The following EPRS1 variants were observed in gnomAD, a reference collection of about 807,000 sequenced individuals.
EPRS1 encodes the protein glutamyl-prolyl-tRNA synthetase 1.
A neutral mutation model predicts 188.3 loss-of-function variants in EPRS1; 107 were observed. The observed-to-expected ratio is 0.57, with a 90% CI of 0.49 to 0.67. The LOEUF (loss-of-function observed/expected upper bound fraction) is 0.67, where lower values mean the gene tolerates loss of function less well. Among genes scored for constraint, EPRS1 ranks in the 30% least tolerant of loss-of-function variants. The pLI, the probability that EPRS1 is intolerant of heterozygous loss-of-function variation, is 0.00. For missense variants in EPRS1, 1,577 were observed against 1,802.2 expected (o/e 0.88, Z 2.26); for synonymous variants, 596 against 593.1 (o/e 1.00, Z -0.07).
intron 17 of EPRS1, among the ~76,000 whole-genome samples, chr1:219,998,518 A>G (rs182701402): frequency 1.3e-5 from 2 of 150,880 alleles, no homozygotes; most frequent in Admixed American, 6.7e-5. Context: ...TAGCCACCCT[A>G]TATCAAAAAT....
chr1:220,021,283 G>C (rs531020082), intron 9 of EPRS1, among the ~76,000 whole-genome samples: 1 of 152,022 alleles, frequency 6.6e-6, no homozygotes, highest in African/African-American at 2.4e-5. Context: ...TGAACTCCTG[G>C]ACTGAAGCAA....
At chr1:220,033,094 C>T (rs116141600) in intron 4 of EPRS1, among the ~76,000 whole-genome samples, 3 of 152,262 alleles carry the variant, frequency 2.0e-5, no homozygotes, top group African/African-American at 7.2e-5. Flanking sequence ...AACTCCACAT[C>T]ATCCCACTAC....
intron 9 of EPRS1, among the ~76,000 whole-genome samples, chr1:220,020,870 A>G (rs186039708): frequency 0.017 from 1,300 of 76,570 alleles, 22 homozygotes; most frequent in Non-Finnish European, 0.025. Context: ...ATATATATAT[A>G]TTAGTGCATT....
chr1:220,015,520 G>T lies in EPRS1; in HGVS notation c.1494+2929C>A, dbSNP rs965473185. 2.1e-4 allele frequency among the ~76,000 whole-genome samples: 13 copies of T among 62,018 alleles called. No individual in the cohort carries two copies. In the South Asian group the frequency reaches 3.8e-3, roughly 18 times the overall value. The allele number at this position is 62,018 out of a possible 152,430, so 40.7% of individuals were successfully genotyped here. Reference sequence around the variant, plus strand: ...ACAAGACAAGAGAAAGAAAATAAAAGATGGAAAGGGAAAGGGAAAGGGAAA... The same window carrying T: ...ACAAGACAAGAGAAAGAAAATAAAATATGGAAAGGGAAAGGGAAAGGGAAA... On this transcript the variant is annotated intron_variant, in intron 12 of 31. Transcript: ENST00000366923.
chr1:220,008,402 T>TA (rs572428410), intron 13 of EPRS1, among the ~76,000 whole-genome samples: 9 of 145,842 alleles, frequency 6.2e-5, no homozygotes, highest in Non-Finnish European at 7.6e-5. Context: ...TTGGCAGAAT[T>TA]AAAAAAAAAA....
chr1:220,024,398 G>A lies in EPRS1; in HGVS notation c.809C>T (p.Ser270Leu), dbSNP rs200738924. ...HIKPDQFTYT[S>L]DHFETIMKYA... ...CTTCATTATAGTTTCAAAATGATCC[G>A]AAGTATAAGTAAATTGATCTGGTTT... Residue 270 changes from serine (S) to leucine (L), a missense_variant, in exon 8 of 32, where the codon TCG becomes TTG. Ser to Leu is a moderately radical substitution (Grantham distance 145). Coordinates refer to ENST00000366923, the MANE Select transcript of EPRS1 (RefSeq NM_004446.3). The A allele has an allele frequency of 5.0e-6, 8 of 1,611,876 alleles. No homozygotes were observed. The highest frequency in any genetic ancestry group is 1.7e-5 in the Admixed American group (1 of 59,548).
At chr1:220,045,173 CTGTG>C (rs1037119556) in intron 1 of EPRS1, among the ~76,000 whole-genome samples, 74 of 152,154 alleles carry the variant, frequency 4.9e-4, no homozygotes, top group African/African-American at 1.6e-3. Flanking sequence ...TTAGAAAGTA[CTGTG>C]TGTGTATTAT....
At chr1:219,982,117 C>T (rs1648325321) in intron 23 of EPRS1, among the ~76,000 whole-genome samples, 2 of 152,110 alleles carry the variant, frequency 1.3e-5, no homozygotes, top group Admixed American at 1.3e-4. Context: ...ATGTATTATA[C>T]AAAAGTATCA....
At chr1:220,010,919 A>G (rs1661592722) in intron 13 of EPRS1, 27 bp downstream of exon 13, 2 of 1,314,674 alleles carry the variant, frequency 1.5e-6, no homozygotes, top group Non-Finnish European at 2.2e-6. Flanking sequence ...ACAGAGAGAA[A>G]CACATTGGTG....
chr1:220,028,167 T>C (rs2577150), intron 6 of EPRS1, among the ~76,000 whole-genome samples: 121,965 of 152,072 alleles, frequency 0.8, 49,079 homozygotes, highest in East Asian at 0.93. Context: ...AAGAAAAATA[T>C]TGTGGTGTAC....
intron 13 of EPRS1, among the ~76,000 whole-genome samples, chr1:220,010,534 T>G (rs2789807): frequency 0.8 from 121,997 of 152,138 alleles, 49,082 homozygotes; most frequent in East Asian, 0.93. Context: ...CATCTCAGCC[T>G]GGCGCAGTGG....
At position 220,019,039 on chromosome 1, in the gene EPRS1, T is replaced by C. The variant is rs1284907414; in HGVS notation, c.1390A>G (p.Arg464Gly). ...TTCAGTCCTTCAACTGTCATCCCTC[T>C]TCTCAGTACACCACGAACCGTAGGA... is the stretch of plus-strand genomic sequence containing the variant. The part of the protein sequence containing the change: ...RFPTVRGVLR[R>G]GMTVEGLKQF... The change falls in exon 11 of 32, where the codon AGA (arginine) becomes GGA (glycine). Residue 464 changes from arginine to glycine, a missense_variant. Coordinates refer to ENST00000366923, the MANE Select transcript of EPRS1 (RefSeq NM_004446.3). 3 of 1,613,352 alleles carry C rather than the reference T, an allele frequency of 1.9e-6. No homozygotes were observed. The African/African-American group carries it at 4.0e-5, about 22-fold the overall frequency.
intron 3 of EPRS1, among the ~76,000 whole-genome samples, chr1:220,033,879 CT>C (rs56389209): frequency 8.1e-4 from 117 of 144,606 alleles, no homozygotes; most frequent in South Asian, 8.7e-4. Context: ...ATGCTTTCTG[CT>C]TTTTTTTTTT....
At position 220,007,339 on chromosome 1, in the gene EPRS1, C is replaced by T; in HGVS notation, c.1606-1G>A. 1 of 1,603,546 alleles carries T rather than the reference C, an allele frequency of 6.2e-7. No homozygotes were observed. The highest frequency in any genetic ancestry group is 8.5e-7 in the Non-Finnish European group (1 of 1,177,334). On this transcript the variant is annotated splice_acceptor_variant, in intron 13 of 31. Coordinates refer to ENST00000366923, the MANE Select transcript of EPRS1 (RefSeq NM_004446.3). LOFTEE classifies it high-confidence loss of function. ...CAGGCTTCAAGCCAACCTCAGGATT[C>T]TGATTGATAAAGAAAAGCAGAGTGT...
At chr1:220,025,766 C>T (rs535330180) in intron 6 of EPRS1, among the ~76,000 whole-genome samples, 1 of 151,676 alleles carries the variant, frequency 6.6e-6, no homozygotes, top group East Asian at 1.9e-4. Flanking sequence ...CTTCTCTAGG[C>T]TTTGGTTTTC....
intron 28 of EPRS1, among the ~76,000 whole-genome samples, chr1:219,976,807 A>G (rs995071847): frequency 2.6e-5 from 4 of 152,212 alleles, no homozygotes; most frequent in Non-Finnish European, 5.9e-5. Context: ...TGGAGGAGGC[A>G]AATATTTTGT....
chr1:219,979,883 A>G (rs1170315803), intron 26 of EPRS1, among the ~76,000 whole-genome samples: 1 of 152,248 alleles, frequency 6.6e-6, no homozygotes, highest in African/African-American at 2.4e-5. Flanking sequence ...TTCATATTTT[A>G]GTAGTAATTC....
chr1:220,008,346 A>T (rs1425535226), intron 13 of EPRS1, among the ~76,000 whole-genome samples: 1 of 152,102 alleles, frequency 6.6e-6, no homozygotes, highest in Non-Finnish European at 1.5e-5. Context: ...ATGGAAAGAA[A>T]AAGAGATGCG....
At chr1:220,007,430 T>G in intron 13 of EPRS1, 92 bp from the exon 14 acceptor site, 1 of 1,274,654 alleles carries the variant, frequency 7.8e-7, no homozygotes, top group Non-Finnish European at 1.1e-6. Context: ...TCTTTAACCA[T>G]ACAAAAGTCT....
Sources: allele counts gnomAD v4.1 joint callset (sites outside exome capture counted in the v4.1 genomes callset), GRCh38; gene constraint gnomAD v4.1.1; transcripts MANE v1.5; gene names NCBI Gene and HGNC (gene_info 2026-07-23, HGNC 2026-07-21).